ARHGAP32: variants seen among roughly 807,000 people sequenced by gnomAD.
ARHGAP32 encodes the protein rho GTPase-activating protein 32.
ARHGAP32 carries 51 observed loss-of-function variants against 186.5 expected under a neutral mutation model. The ratio of observed to expected loss-of-function variants is 0.27; its 90% confidence interval spans 0.22 to 0.35. The LOEUF (loss-of-function observed/expected upper bound fraction) is 0.35, where lower values mean the gene tolerates loss of function less well. ARHGAP32 is among the 10% of genes least tolerant of loss of function. ARHGAP32 has a pLI of 1.00. For missense variants in ARHGAP32, 2,186 were observed against 2,623.5 expected (o/e 0.83, Z 3.64); for synonymous variants, 950 against 964.3 (o/e 0.99, Z 0.27).
intron 6 of ARHGAP32, 76 bp downstream of exon 6, chr11:129,093,545 T>C (rs2095005234): frequency 4.9e-6 from 5 of 1,019,128 alleles, no homozygotes; most frequent in African/African-American, 1.6e-5. Context: ...CAAATCACGT[T>C]ATAGAAATAA....
chr11:129,131,043 C>A (rs1942795941), intron 2 of ARHGAP32, among the ~76,000 whole-genome samples: 1 of 151,936 alleles, frequency 6.6e-6, no homozygotes, highest in African/African-American at 2.4e-5. Context: ...ATGAATAAAT[C>A]TAACAGTTGT....
intron 1 of ARHGAP32, among the ~76,000 whole-genome samples, chr11:129,276,340 G>C (rs982579893): frequency 1.3e-5 from 2 of 152,152 alleles, no homozygotes; most frequent in East Asian, 3.8e-4. Context: ...TCACTCTGTT[G>C]ACCAGGCTCA....
intron 1 of ARHGAP32, among the ~76,000 whole-genome samples, chr11:129,215,221 T>C (rs1944629888): frequency 6.6e-6 from 1 of 152,174 alleles, no homozygotes; most frequent in African/African-American, 2.4e-5. Context: ...GGGTTAAGGT[T>C]TCCTTATGAT....
At chr11:129,248,956 T>C (rs1230826006) in intron 1 of ARHGAP32, among the ~76,000 whole-genome samples, 1 of 152,198 alleles carries the variant, frequency 6.6e-6, no homozygotes, top group Non-Finnish European at 1.5e-5. Flanking sequence ...TGGAGTCCAT[T>C]TCCTCTAAAC....
chr11:129,241,566 G>C (rs1392961603), intron 1 of ARHGAP32, among the ~76,000 whole-genome samples: 1 of 152,016 alleles, frequency 6.6e-6, no homozygotes, highest in East Asian at 1.9e-4. Context: ...AGTCACTTGA[G>C]CCCAGAAGGT....
intron 2 of ARHGAP32, among the ~76,000 whole-genome samples, chr11:129,141,701 T>C (rs7112405): frequency 3.4e-4 from 50 of 148,318 alleles, no homozygotes; most frequent in African/African-American, 1.2e-3. Context: ...ATAAAATATA[T>C]AAAATCAAAA....
At chr11:129,140,146 T>C (rs1171789067) in intron 2 of ARHGAP32, among the ~76,000 whole-genome samples, 1 of 152,174 alleles carries the variant, frequency 6.6e-6, no homozygotes, top group African/African-American at 2.4e-5. Context: ...ACCCCTGGCT[T>C]TGAAGCCTGA....
chr11:129,145,139 A>G (rs1943141773), intron 2 of ARHGAP32, among the ~76,000 whole-genome samples: 1 of 152,108 alleles, frequency 6.6e-6, no homozygotes. Context: ...ATATAATTTT[A>G]CCAGACATTT....
At chr11:129,199,860 G>A (rs913822444) in intron 1 of ARHGAP32, among the ~76,000 whole-genome samples, 3 of 152,216 alleles carry the variant, frequency 2.0e-5, no homozygotes, top group Non-Finnish European at 4.4e-5. Flanking sequence ...ATGCCAGCCT[G>A]TGAAAGCAGC....
At chr11:129,138,106 C>T (rs932189756) in intron 2 of ARHGAP32, among the ~76,000 whole-genome samples, 1 of 151,698 alleles carries the variant, frequency 6.6e-6, no homozygotes, top group Non-Finnish European at 1.5e-5. Context: ...TTTTTAAAAG[C>T]TGCCAAGACA....
At chr11:129,194,478 A>T (rs567182364), upstream of ARHGAP32, among the ~76,000 whole-genome samples, 2 of 152,320 alleles carry the variant, frequency 1.3e-5, no homozygotes, top group South Asian at 4.1e-4. Context: ...CTGTTAAGGC[A>T]AAGAAGAAAG....
At chr11:129,251,769 CA>C (rs36087262) in intron 1 of ARHGAP32, among the ~76,000 whole-genome samples, 74,914 of 140,034 alleles carry the variant, frequency 0.53, 19,202 homozygotes, top group Non-Finnish European at 0.55. Flanking sequence ...ATTAAAAATA[CA>C]AAAAAAAAAA....
At chr11:129,269,598 G>A (rs1000547082) in intron 1 of ARHGAP32, among the ~76,000 whole-genome samples, 14 of 152,104 alleles carry the variant, frequency 9.2e-5, no homozygotes, top group African/African-American at 2.7e-4. Context: ...ACAGTGGCAC[G>A]CACCTATAGT....
intron 11 of ARHGAP32, chr11:129,030,434 G>A (rs1352678330): frequency 1.3e-5 from 2 of 152,156 alleles, no homozygotes; most frequent in African/African-American, 2.4e-5. Context: ...CTGGTTTCCT[G>A]AAACAACACT....
At chr11:129,279,555 A>AGCCCGCC (rs1258882160), upstream of ARHGAP32, among the ~76,000 whole-genome samples, 4 of 141,336 alleles carry the variant, frequency 2.8e-5, no homozygotes, top group East Asian at 2.2e-4. Context: ...CCCCCGCCGG[A>AGCCCGCC]GCCCGCCGCC....
intron 2 of ARHGAP32, among the ~76,000 whole-genome samples, chr11:129,158,518 A>G (rs1357201081): frequency 6.6e-6 from 1 of 152,282 alleles, no homozygotes; most frequent in East Asian, 1.9e-4. Flanking sequence ...TAACTATCCT[A>G]AATATACATG....
chr11:129,212,558 C>T (rs1944594542), intron 1 of ARHGAP32, among the ~76,000 whole-genome samples: 1 of 152,116 alleles, frequency 6.6e-6, no homozygotes. Context: ...GCTTAATTTA[C>T]CTCAACATAA....
chr11:129,023,856 T>TA, intron 11 of ARHGAP32: 1 of 976,872 alleles, frequency 1.0e-6, no homozygotes, highest in Non-Finnish European at 1.2e-6. Context: ...GAGATCTCCT[T>TA]ACCTCTTGTT....
chr11:129,051,568 A>C (rs1940042268), intron 10 of ARHGAP32, among the ~76,000 whole-genome samples: 1 of 152,200 alleles, frequency 6.6e-6, no homozygotes, highest in Non-Finnish European at 1.5e-5. Context: ...TGTTCTTCTG[A>C]CGTCACATTA....
Sources: gnomAD v4.1 joint callset for allele counts (sites outside exome capture counted in the v4.1 genomes callset) on GRCh38, gnomAD v4.1.1 for gene constraint, MANE v1.5 for transcripts, NCBI Gene and HGNC (gene_info 2026-07-23, HGNC 2026-07-21) for gene names.